FYB2: variants seen among roughly 807,000 people sequenced by gnomAD.
The protein encoded by FYB2 is FYN binding protein 2.
FYB2 carries 103 observed loss-of-function variants against 94.1 expected under a neutral mutation model. That is an observed-to-expected ratio of 1.09 (90% CI 0.93 to 1.29). The LOEUF is 1.29. FYB2 is among the 50% of genes most tolerant of loss of function. The pLI is 0.00. For synonymous variants in FYB2, 293 were observed against 287.9 expected, an observed-to-expected ratio of 1.02 and a Z score of -0.18; for missense variants, 896 against 841.5, an observed-to-expected ratio of 1.06 and a Z score of -0.80.
At chr1:56,754,577 G>T (rs1370785648) in intron 7 of FYB2, among the ~76,000 whole-genome samples, 1 of 152,078 alleles carries the variant, frequency 6.6e-6, no homozygotes, top group Non-Finnish European at 1.5e-5. Flanking sequence ...TTATTCACAT[G>T]TGTAACTCCA....
rs2100590248 is a variant in FYB2, at chr1:56,738,650, T to C, written c.1707A>G (p.Ala569=). 6.2e-7 allele frequency: 1 copy of C among 1,610,274 alleles called. No individual in the cohort carries two copies. Among genetic ancestry groups the C allele is most frequent in the East Asian group, 2.2e-5 (1 of 44,654 alleles). Residue 569 remains alanine, a synonymous_variant, in exon 14 of 20, where the codon GCA becomes GCG. Transcript: ENST00000343433. ...KKTKSKENLS[A]FSILLPDLEL... ...CTAAATCAGGCAGCAAAATGGAAAA[T>C]GCACTGTTGATTGACAAAAGACACA...
chr1:56,754,129 GCCA>G (rs1462757879), intron 7 of FYB2, among the ~76,000 whole-genome samples, 194 bp from the exon 8 acceptor site: 1 of 151,926 alleles, frequency 6.6e-6, no homozygotes, highest in Non-Finnish European at 1.5e-5. Context: ...TCCAATTAAT[GCCA>G]CAGTGTCAAT....
At chr1:56,794,057 A>G (rs922814432) in intron 1 of FYB2, among the ~76,000 whole-genome samples, 2 of 152,232 alleles carry the variant, frequency 1.3e-5, no homozygotes, top group African/African-American at 4.8e-5. Flanking sequence ...TAGTAGGCCC[A>G]TGATAAAGAA....
intron 15 of FYB2, among the ~76,000 whole-genome samples, chr1:56,733,183 A>G (rs942285979): frequency 3.9e-5 from 6 of 152,128 alleles, no homozygotes; most frequent in African/African-American, 1.4e-4. Context: ...ACATTTCTCA[A>G]AAGATGACAT....
chr1:56,757,455 T>C (rs968886996), intron 6 of FYB2, among the ~76,000 whole-genome samples: 6 of 140,154 alleles, frequency 4.3e-5, no homozygotes, highest in African/African-American at 1.6e-4. Context: ...AAGGGCCTTC[T>C]ATGAGCTTAC....
At chr1:56,738,375 C>T (rs1289888576) in intron 14 of FYB2, among the ~76,000 whole-genome samples, 3 of 152,098 alleles carry the variant, frequency 2.0e-5, no homozygotes, top group Admixed American at 1.3e-4. Context: ...GGGATGATAA[C>T]ATTTATTTTT....
chr1:56,796,704 C>T (rs1224150473), intron 1 of FYB2, among the ~76,000 whole-genome samples: 1 of 152,156 alleles, frequency 6.6e-6, no homozygotes, highest in Non-Finnish European at 1.5e-5. Context: ...CACATTGGGC[C>T]TCCCCCCAAC....
At chr1:56,799,645 C>T (rs61765532) in intron 1 of FYB2, among the ~76,000 whole-genome samples, 29,741 of 152,068 alleles carry the variant, frequency 0.2, 3,692 homozygotes, top group South Asian at 0.28. Context: ...GAACAAAACT[C>T]AGTATTATAC....
chr1:56,757,689 T>TCCTTCCTTCCTTC (rs1557616891), intron 6 of FYB2, among the ~76,000 whole-genome samples: 16 of 56,844 alleles, frequency 2.8e-4, no homozygotes, highest in African/African-American at 3.8e-4. Flanking sequence ...CTTCCTTCCT[T>TCCTTCCTTCCTTC]CTTTCTTTCT....
At chr1:56,754,572 C>T (rs78060076) in intron 7 of FYB2, among the ~76,000 whole-genome samples, 2,258 of 152,226 alleles carry the variant, frequency 0.015, 56 homozygotes, top group African/African-American at 0.052. Flanking sequence ...CTATCTTATT[C>T]ACATGTGTAA....
intron 8 of FYB2, among the ~76,000 whole-genome samples, chr1:56,753,555 G>A (rs1480961940): frequency 6.6e-6 from 1 of 152,090 alleles, no homozygotes; most frequent in Non-Finnish European, 1.5e-5. Context: ...GGGCAGGGAT[G>A]GCACCTGAGA....
intron 2 of FYB2, among the ~76,000 whole-genome samples, chr1:56,791,118 T>C (rs1646253573): frequency 6.6e-6 from 1 of 152,098 alleles, no homozygotes; most frequent in African/African-American, 2.4e-5. Flanking sequence ...ACAGAAACCA[T>C]ACAAGGTTGT....
chr1:56,763,892 C>T (rs962166713), intron 5 of FYB2, among the ~76,000 whole-genome samples: 5 of 151,334 alleles, frequency 3.3e-5, no homozygotes, highest in Non-Finnish European at 7.4e-5. Flanking sequence ...TATGACTCTT[C>T]GCGAGATTGC....
At chr1:56,781,987 T>G (rs1646019575) in intron 4 of FYB2, among the ~76,000 whole-genome samples, 1 of 152,180 alleles carries the variant, frequency 6.6e-6, no homozygotes, top group Non-Finnish European at 1.5e-5. Flanking sequence ...GAGAGGTCTT[T>G]CTTTGATCGA....
intron 8 of FYB2, 63 bp downstream of exon 8, chr1:56,753,776 A>T: frequency 3.4e-6 from 4 of 1,159,608 alleles, no homozygotes; most frequent in Non-Finnish European, 5.1e-6. Flanking sequence ...AGGCCATATA[A>T]AGTCACCCCC....
At chr1:56,783,938 A>G (rs58186015) in intron 4 of FYB2, among the ~76,000 whole-genome samples, 26,051 of 152,040 alleles carry the variant, frequency 0.17, 2,446 homozygotes, top group East Asian at 0.26. Flanking sequence ...ACAGCTAAGC[A>G]AGGTTTATTG....
chr1:56,788,613 T>C (rs1400290868), intron 3 of FYB2, among the ~76,000 whole-genome samples: 3 of 152,174 alleles, frequency 2.0e-5, no homozygotes, highest in Non-Finnish European at 4.4e-5. Flanking sequence ...TTTCTCCCTT[T>C]TCACTCCCTC....
the FYB2 span, among the ~76,000 whole-genome samples, chr1:56,826,396 A>G: frequency 6.6e-6 from 1 of 152,230 alleles, no homozygotes; most frequent in Non-Finnish European, 1.5e-5. Context: ...ACTCTTTAGA[A>G]TCAGCCCCTT....
Position 56,792,792 on chromosome 1 carries a change from T to C in FYB2, c.21A>G (p.Arg7=), listed in dbSNP as rs766030886. 6.2e-7 allele frequency: 1 copy of C among 1,610,086 alleles called. No individual in the cohort carries two copies. Among genetic ancestry groups the C allele is most frequent in the South Asian group, 1.1e-5 (1 of 90,902 alleles). ...ATTTGGCTCGAAGTTCCTTGAAGTT[T>C]CTTACCCCTTCCTAAGGCAAAGAAT... MEGEGV[R]NFKELRAKFQ... The change falls in exon 2 of 20, where the codon AGA becomes AGG. Residue 7 remains arginine, a synonymous_variant. Coordinates refer to ENST00000343433, the MANE Select transcript of FYB2 (RefSeq NM_001004303.5).
Sources: gnomAD v4.1 joint callset for allele counts (sites outside exome capture counted in the v4.1 genomes callset) on GRCh38, gnomAD v4.1.1 for gene constraint, MANE v1.5 for transcripts, NCBI Gene and HGNC (gene_info 2026-07-23, HGNC 2026-07-21) for gene names.